RTTN: variants seen among roughly 807,000 people sequenced by gnomAD.
RTTN encodes rotatin.
RTTN carries 182 observed loss-of-function variants against 269.2 expected under a neutral mutation model. That is an observed-to-expected ratio of 0.68 (90% confidence interval 0.60 to 0.76). The LOEUF (loss-of-function observed/expected upper bound fraction) is 0.76, where lower values mean the gene tolerates loss of function less well. RTTN is among the 30% of genes least tolerant of loss of function. The pLI, the probability that RTTN is intolerant of heterozygous loss-of-function variation, is 0.00. For missense variants in RTTN, 2,545 were observed against 2,608.6 expected (o/e 0.98, Z 0.53); for synonymous variants, 1,006 against 963.5 (o/e 1.04, Z -0.82).
At chr18:70,170,049 C>T (rs906499120) in intron 11 of RTTN, among the ~76,000 whole-genome samples, 1 of 152,136 alleles carries the variant, frequency 6.6e-6, no homozygotes, top group Non-Finnish European at 1.5e-5. Context: ...ATTACACAGA[C>T]ATGACAAACC....
chr18:70,072,396 T>G (rs1266648957), intron 34 of RTTN, among the ~76,000 whole-genome samples: 1 of 152,152 alleles, frequency 6.6e-6, no homozygotes, highest in African/African-American at 2.4e-5. Context: ...ACAAACAAGT[T>G]AAAGACCTTC....
chr18:70,165,769 T>A (rs2060968711), intron 14 of RTTN, among the ~76,000 whole-genome samples: 1 of 152,066 alleles, frequency 6.6e-6, no homozygotes, highest in African/African-American at 2.4e-5. Flanking sequence ...GGCATAGAAA[T>A]CACTTTTGAA....
At chr18:70,035,406 G>A (rs759672424) in intron 40 of RTTN, among the ~76,000 whole-genome samples, 2 of 152,094 alleles carry the variant, frequency 1.3e-5, no homozygotes, top group African/African-American at 2.4e-5. Flanking sequence ...AAATAAGGGT[G>A]TACACCTAGA....
intron 26 of RTTN, among the ~76,000 whole-genome samples, chr18:70,118,512 A>G (rs1599639356): frequency 6.6e-6 from 1 of 152,168 alleles, no homozygotes; most frequent in Admixed American, 6.5e-5. Context: ...TCCACCAAAC[A>G]TTTAAAGAAT....
intron 10 of RTTN, among the ~76,000 whole-genome samples, chr18:70,178,918 A>G (rs866849572): frequency 6.6e-6 from 1 of 152,108 alleles, no homozygotes; most frequent in Admixed American, 6.5e-5. Flanking sequence ...TGTTATTGAT[A>G]TGGACTTATA....
chr18:70,130,629 C>T (rs540645712), intron 23 of RTTN: 2 of 150,300 alleles, frequency 1.3e-5, no homozygotes, highest in East Asian at 3.9e-4. Flanking sequence ...TTACCACAGG[C>T]TGTAAAGGAT....
chr18:70,054,567 A>G lies in RTTN; in HGVS notation c.5032-283T>C, dbSNP rs184228708. ...AAGTCTTGGCCAGGTGTGGTAGCTA[A>G]CACACCTGTAATGCCAGTCCTTTGA... On this transcript the variant is annotated intron_variant, in intron 37 of 48. Transcript: ENST00000640769. 1.1e-4 allele frequency among the ~76,000 whole-genome samples: 16 copies of G among 152,280 alleles called. No homozygotes were observed. In the East Asian group the frequency reaches 3.1e-3, roughly 29 times the overall value.
chr18:70,016,445 G>A lies in RTTN; in HGVS notation c.6421+962C>T, dbSNP rs976068591. ...TATAGATGAAGAAGCTGGGCCCAGC[G>A]AGGCTGCACCAGGCGACGCTGGAGT... is the stretch of plus-strand genomic sequence containing the variant. On this transcript the variant is annotated intron_variant, in intron 46 of 48. Transcript: ENST00000640769. Among the ~76,000 whole-genome samples, 12 of 152,206 alleles carry A rather than the reference G, an allele frequency of 7.9e-5. No individual in the cohort carries two copies. In the East Asian group the frequency reaches 9.7e-4, roughly 12 times the overall value.
chr18:70,131,946 A>C (rs2060008625), intron 23 of RTTN: 1 of 149,812 alleles, frequency 6.7e-6, no homozygotes, highest in African/African-American at 2.4e-5. Context: ...ATACTTCTTA[A>C]AAAAAAAAAG....
Position 70,017,594 on chromosome 18 carries a change from C to G in RTTN, c.6234G>C (p.Trp2078Cys), listed in dbSNP as rs747353109. The change falls in exon 46 of 49, where the codon TGG (tryptophan) becomes TGC (cysteine). Residue 2078 changes from tryptophan to cysteine, a missense_variant. Physicochemically the swap from Trp to Cys is radical, Grantham distance 215. Coordinates refer to ENST00000640769, the MANE Select transcript of RTTN (RefSeq NM_173630.4). Reference protein sequence around the residue: ...NKHLSNLTILWLKLLLNISSG... With the variant: ...NKHLSNLTILCLKLLLNISSG... ...ATGATATATTCAGGAGTAACTTCAA[C>G]CAAAGAATAGTCAGATTACTTAGAT... The G allele has an allele frequency of 2.5e-6, 4 of 1,613,872 alleles. No homozygotes were observed. The highest frequency in any genetic ancestry group is 3.4e-6 in the Non-Finnish European group (4 of 1,179,918).
At chr18:70,019,876 ACT>A (rs1310034477) in intron 45 of RTTN, 11 of 152,222 alleles carry the variant, frequency 7.2e-5, no homozygotes, top group African/African-American at 2.4e-4. Flanking sequence ...GGAAAAGGAG[ACT>A]CAATTCTTAT....
chr18:70,093,096 C>T (rs891459952), intron 28 of RTTN, among the ~76,000 whole-genome samples: 12 of 151,994 alleles, frequency 7.9e-5, no homozygotes, highest in Admixed American at 3.9e-4. Flanking sequence ...TCCCAGCTAC[C>T]GGGGAAGCTG....
intron 28 of RTTN, among the ~76,000 whole-genome samples, chr18:70,104,513 C>T (rs1006558938): frequency 9.9e-5 from 15 of 152,192 alleles, no homozygotes; most frequent in African/African-American, 2.7e-4. Context: ...AGTCATTCTC[C>T]GTCCAGCTTT....
In RTTN at chr18:70,032,107, G is replaced by A. The variant is rs550340164; in HGVS notation, c.5542-1126C>T. On this transcript the variant is annotated intron_variant, in intron 40 of 48. Transcript: ENST00000640769. ...TATGGGAGTGTCTATAGCGGAGCAT[G>A]GCCAAGGATGCCCATCCCCTTAGGC... is the stretch of plus-strand genomic sequence containing the variant. 5.9e-5 allele frequency among the ~76,000 whole-genome samples: 9 copies of A among 152,278 alleles called. No individual in the cohort carries two copies. In the East Asian group the frequency reaches 1.2e-3, roughly 20 times the overall value.
rs2056106353 is a variant in RTTN, at chr18:70,004,122, CA to C, written c.*28del. 1 of 1,568,348 alleles carries C rather than the reference CA, an allele frequency of 6.4e-7. No individual in the cohort carries two copies. The highest frequency in any genetic ancestry group is 8.8e-7 in the Non-Finnish European group (1 of 1,138,978). On this transcript the variant is annotated 3_prime_UTR_variant, in exon 49 of 49. Transcript: ENST00000640769. ...CTTTAGCTCCCCTGTTGATGACTGT[CA>C]GCTTCAAGGTGTAGCATCCCATGGC...
At chr18:70,092,588 G>A in intron 29 of RTTN, 88 bp downstream of exon 29, 1 of 1,437,660 alleles carries the variant, frequency 7.0e-7, no homozygotes, top group Non-Finnish European at 9.4e-7. Flanking sequence ...ATTTTCATGT[G>A]GCAAGTTTAT....
At position 70,127,755 on chromosome 18, in the gene RTTN, A is replaced by G; in HGVS notation, c.3144-14T>C. The G allele has an allele frequency of 6.3e-7, 1 of 1,595,452 alleles. No individual in the cohort carries two copies. Among genetic ancestry groups the G allele is most frequent in the South Asian group, 1.1e-5 (1 of 90,130 alleles). ...GCATCTAAAATTCTAGACAAAAAGA[A>G]AAAAAATGAAGGAGGAACATAAAGC... On this transcript the variant is annotated splice_polypyrimidine_tract_variant and intron_variant, in intron 24 of 48. Transcript: ENST00000640769.
intron 25 of RTTN, 135 bp downstream of exon 25, chr18:70,127,367 G>T: frequency 9.9e-7 from 1 of 1,014,386 alleles, no homozygotes; most frequent in Non-Finnish European, 1.4e-6. Context: ...TATTACAGAT[G>T]ATAAAAATCC....
chr18:70,204,259 G>A lies in RTTN; in HGVS notation c.224C>T (p.Pro75Leu), dbSNP rs1339331194. The A allele has an allele frequency of 3.1e-6, 5 of 1,602,998 alleles. No individual in the cohort carries two copies. Among genetic ancestry groups the A allele is most frequent in the Non-Finnish European group, 3.4e-6 (4 of 1,176,426 alleles). The change falls in exon 3 of 49, where the codon CCC (proline) becomes CTC (leucine). Residue 75 changes from proline (P) to leucine (L), a missense_variant. Transcript: ENST00000640769. ...GTCAACCAAATGTTGGACTGCTGGG[G>A]GATACTAAAATAAGAAGAGGATGAT... ...LNLLSRLVKY[P>L]PAVQHLVDVG...
Sources: gnomAD v4.1 joint callset for allele counts (sites outside exome capture counted in the v4.1 genomes callset) on GRCh38, gnomAD v4.1.1 for gene constraint, MANE v1.5 for transcripts, NCBI Gene and HGNC (gene_info 2026-07-23, HGNC 2026-07-21) for gene names.